ERCC8: variants seen among roughly 807,000 people sequenced by gnomAD.
The protein encoded by ERCC8 is DNA excision repair protein ERCC-8.
Under a neutral mutation model 54.9 loss-of-function variants are expected in ERCC8, and 52 were observed. The observed-to-expected ratio is 0.95, with a 90% CI of 0.76 to 1.19. The LOEUF is 1.19. ERCC8 is among the 50% of genes most tolerant of loss of function. ERCC8 has a pLI of 0.00. For missense variants in ERCC8, 514 were observed against 466.1 expected, an observed-to-expected ratio of 1.10 and a Z score of -0.95; for synonymous variants, 146 against 157.2, an observed-to-expected ratio of 0.93 and a Z score of 0.53.
At chr5:60,883,653 T>C (rs1748311402) in intron 11 of ERCC8, among the ~76,000 whole-genome samples, 1 of 152,234 alleles carries the variant, frequency 6.6e-6, no homozygotes, top group Non-Finnish European at 1.5e-5. Flanking sequence ...AGCAAGTGAT[T>C]ATACATTGAC....
At chr5:60,940,505 G>A (rs1161501405) in intron 1 of ERCC8, among the ~76,000 whole-genome samples, 1 of 152,204 alleles carries the variant, frequency 6.6e-6, no homozygotes, top group Non-Finnish European at 1.5e-5. Flanking sequence ...AAAACAGGGA[G>A]TCCCAGAGAA....
At chr5:60,913,562 T>C (rs1005237209) in intron 4 of ERCC8, among the ~76,000 whole-genome samples, 1 of 152,144 alleles carries the variant, frequency 6.6e-6, no homozygotes, top group Non-Finnish European at 1.5e-5. Context: ...TTCATTGATT[T>C]TTTGAAGGGT....
rs1451084499 is a variant in ERCC8 at position 60,873,390 on chromosome 5, A to T, written c.*1225T>A. On this transcript the variant is annotated 3_prime_UTR_variant, in exon 12 of 12. Coordinates refer to ENST00000676185, the MANE Select transcript of ERCC8 (RefSeq NM_000082.4). The stretch of plus-strand genomic sequence containing the variant: ...CCCTTATACACTTAAAAACTCAACA[A>T]CTGGCTGGGTGCAGTGGCTCAAGCT... Among the ~76,000 whole-genome samples the T allele has an allele frequency of 6.6e-6, 1 of 152,156 alleles. No homozygotes were observed. Among genetic ancestry groups the T allele is most frequent in the Non-Finnish European group, 1.5e-5 (1 of 68,028 alleles).
chr5:60,891,875 TC>T, intron 9 of ERCC8: 1 of 436,878 alleles, frequency 2.3e-6, no homozygotes, highest in Non-Finnish European at 4.5e-6. Flanking sequence ...TCACTGGTAA[TC>T]TCCCGTCCCA....
chr5:60,935,278 T>C (rs1038054134), intron 1 of ERCC8, among the ~76,000 whole-genome samples: 10 of 152,230 alleles, frequency 6.6e-5, no homozygotes, highest in African/African-American at 2.4e-4. Context: ...CTAAGTATTT[T>C]ATTTTTCTTT....
chr5:60,918,159 A>T (rs1045434963), intron 4 of ERCC8, 106 bp downstream of exon 4: 7 of 903,404 alleles, frequency 7.7e-6, no homozygotes, highest in Non-Finnish European at 1.3e-5. Context: ...TACTGCTTTC[A>T]CATCTAACAT....
intron 6 of ERCC8, among the ~76,000 whole-genome samples, chr5:60,903,065 A>C (rs1033127672): frequency 6.6e-6 from 1 of 151,280 alleles, no homozygotes; most frequent in Non-Finnish European, 1.5e-5. Flanking sequence ...AAAATTCATA[A>C]TAATGTCAAA....
intron 10 of ERCC8, among the ~76,000 whole-genome samples, chr5:60,889,967 G>T (rs573702199): frequency 6.6e-6 from 1 of 152,060 alleles, no homozygotes; most frequent in African/African-American, 2.4e-5. Flanking sequence ...TTAAGGTGAC[G>T]TCTAAGAGGT....
chr5:60,892,593 G>A (rs141247384), intron 9 of ERCC8: 494 of 671,346 alleles, frequency 7.4e-4, no homozygotes, highest in Admixed American at 1.1e-3. Context: ...AAAGTGCTCA[G>A]TAGTCTGGTA....
chr5:60,892,769 C>T, intron 9 of ERCC8: 2 of 690,296 alleles, frequency 2.9e-6, no homozygotes, highest in South Asian at 3.3e-5. Context: ...CATCCAGCAG[C>T]CGGATGAACT....
At chr5:60,906,380 GTC>G (rs1169450512) in intron 4 of ERCC8, among the ~76,000 whole-genome samples, 1 of 151,974 alleles carries the variant, frequency 6.6e-6, no homozygotes, top group Non-Finnish European at 1.5e-5. Flanking sequence ...TAGTCTGGTG[GTC>G]TCTCATTAGC....
chr5:60,925,392 C>T (rs189032037), intron 2 of ERCC8, among the ~76,000 whole-genome samples: 30 of 152,236 alleles, frequency 2.0e-4, no homozygotes, highest in Admixed American at 1.8e-3. Context: ...GTACTGGGGG[C>T]GCACTTTGAC....
At chr5:60,942,368 G>A (rs897622851) in intron 1 of ERCC8, among the ~76,000 whole-genome samples, 1 of 152,064 alleles carries the variant, frequency 6.6e-6, no homozygotes, top group African/African-American at 2.4e-5. Flanking sequence ...CAGAGCAGCT[G>A]TAAATGTATT....
intron 11 of ERCC8, among the ~76,000 whole-genome samples, chr5:60,885,163 C>T (rs902212646): frequency 6.6e-6 from 1 of 152,000 alleles, no homozygotes; most frequent in African/African-American, 2.4e-5. Context: ...AAGTGTAAAG[C>T]CACCAAACCT....
intron 4 of ERCC8, among the ~76,000 whole-genome samples, chr5:60,909,372 C>T (rs1387809730): frequency 2.2e-5 from 3 of 138,322 alleles, no homozygotes; most frequent in Non-Finnish European, 3.1e-5. Context: ...GTAATAGAAA[C>T]ATTTTTAGAG....
chr5:60,926,385 T>A (rs943261215), intron 2 of ERCC8, among the ~76,000 whole-genome samples: 4 of 152,156 alleles, frequency 2.6e-5, no homozygotes, highest in Non-Finnish European at 5.9e-5. Context: ...TAGCACAAGA[T>A]CCTTATCTTG....
At position 60,876,731 on chromosome 5, in the gene ERCC8, G is replaced by A. The variant is rs565580621; in HGVS notation, c.1123-2048C>T. ...CGTCCACTTTTTGATGGGGTTGTTT[G>A]TTTTTTTCTTGTAAATTTGTTTGAG... is the stretch of plus-strand genomic sequence containing the variant. On this transcript the variant is annotated intron_variant, in intron 11 of 11. Transcript: ENST00000676185. Among the ~76,000 whole-genome samples, 223 of 152,130 alleles carry A rather than the reference G, an allele frequency of 1.5e-3. 1 individual carries two copies. The highest frequency in any genetic ancestry group is 3.1e-3 in the Admixed American group (48 of 15,274).
chr5:60,932,233 T>G (rs1749929381), intron 1 of ERCC8: 1 of 152,172 alleles, frequency 6.6e-6, no homozygotes, highest in Non-Finnish European at 1.5e-5. Flanking sequence ...AGACAAGGTG[T>G]ACAAAACATA....
rs774542633 is a variant in ERCC8, at chr5:60,918,265, TTGTAA to T, written c.394_398del (p.Leu132AsnfsTer6). ...TCTGCAAATGTTTTAATGTACTTACTTGTAATGTATTTGTATCCCATACTTTCAGA... is the reference window on the plus strand; with the variant it reads ...TCTGCAAATGTTTTAATGTACTTACTTGTATTTGTATCCCATACTTTCAGA... On this transcript the variant is annotated frameshift_variant and splice_region_variant, in exon 4 of 12. Transcript: ENST00000676185. LOFTEE classifies it high-confidence loss of function. 3 of 1,593,266 alleles carry T rather than the reference TTGTAA, an allele frequency of 1.9e-6. No homozygotes were observed. Among genetic ancestry groups the T allele is most frequent in the East Asian group, 4.5e-5 (2 of 44,740 alleles).
Sources: allele counts gnomAD v4.1 joint callset (sites outside exome capture counted in the v4.1 genomes callset), GRCh38; gene constraint gnomAD v4.1.1; transcripts MANE v1.5; gene names NCBI Gene and HGNC (gene_info 2026-07-23, HGNC 2026-07-21).